The following FOXJ3 variants were observed in gnomAD, a reference collection of about 807,000 sequenced individuals.
FOXJ3 encodes forkhead box protein J3.
Under a neutral mutation model 76.1 loss-of-function variants are expected in FOXJ3, and 22 were observed. The observed-to-expected ratio is 0.29, with a 90% CI of 0.21 to 0.41. FOXJ3 has a LOEUF of 0.41. Ranked by LOEUF, FOXJ3 falls within the 10% of genes least tolerant of loss-of-function variation. The probability of loss-of-function intolerance (pLI) is 1.00; values close to 1 mark genes in which losing one functional copy is unlikely to be tolerated. For synonymous variants in FOXJ3, 269 were observed against 261.2 expected (o/e 1.03, Z -0.29); for missense variants, 613 against 762.1 (o/e 0.80, Z 2.30).
intron 11 of FOXJ3, among the ~76,000 whole-genome samples, chr1:42,182,559 G>A (rs1262505346): frequency 2.0e-5 from 3 of 152,134 alleles, no homozygotes; most frequent in Admixed American, 6.5e-5. Flanking sequence ...ATGCAGTGGC[G>A]CAATCTCGGC....
At chr1:42,273,886 G>A (rs975049151) in intron 3 of FOXJ3, among the ~76,000 whole-genome samples, 13 of 152,072 alleles carry the variant, frequency 8.5e-5, no homozygotes, top group African/African-American at 2.9e-4. Context: ...GGGGTAGACT[G>A]GAAGATCTGC....
At chr1:42,242,913 A>C (rs1169845109) in intron 4 of FOXJ3, among the ~76,000 whole-genome samples, 1 of 151,790 alleles carries the variant, frequency 6.6e-6, no homozygotes, top group Admixed American at 6.6e-5. Context: ...AAACTGGCAA[A>C]AGTCAAACAC....
intron 6 of FOXJ3, among the ~76,000 whole-genome samples, chr1:42,204,132 T>C (rs1646815988): frequency 6.6e-6 from 1 of 152,144 alleles, no homozygotes; most frequent in African/African-American, 2.4e-5. Flanking sequence ...CTGCTCTCTG[T>C]GTAGCCCCTA....
intron 2 of FOXJ3, among the ~76,000 whole-genome samples, chr1:42,295,005 TTC>T (rs1349242845): frequency 6.6e-6 from 1 of 152,190 alleles, no homozygotes; most frequent in Non-Finnish European, 1.5e-5. Context: ...ATTCCATAAA[TTC>T]TTTTTATTTT....
intron 4 of FOXJ3, among the ~76,000 whole-genome samples, chr1:42,254,046 A>T (rs1266518865): frequency 6.6e-6 from 1 of 151,852 alleles, no homozygotes; most frequent in Non-Finnish European, 1.5e-5. Flanking sequence ...ATGGGAGAAA[A>T]TTTTCACAAC....
intron 4 of FOXJ3, among the ~76,000 whole-genome samples, chr1:42,248,683 C>G (rs966137085): frequency 6.8e-6 from 1 of 148,038 alleles, no homozygotes; most frequent in African/African-American, 2.5e-5. Context: ...TTTCACAAAG[C>G]AAAGCCAGTG....
At chr1:42,286,506 A>G (rs1457480254) in intron 2 of FOXJ3, among the ~76,000 whole-genome samples, 1 of 152,182 alleles carries the variant, frequency 6.6e-6, no homozygotes, top group Non-Finnish European at 1.5e-5. Context: ...ACCCACCCCA[A>G]AGGACTGTTG....
At chr1:42,311,010 G>C in intron 2 of FOXJ3, 40 bp downstream of exon 2, 1 of 1,278,640 alleles carries the variant, frequency 7.8e-7, no homozygotes, top group Non-Finnish European at 1.1e-6. Context: ...CTTTTAAAAT[G>C]TTATATGTTC....
chr1:42,285,250 T>A (rs1652977521), intron 2 of FOXJ3, among the ~76,000 whole-genome samples: 1 of 152,118 alleles, frequency 6.6e-6, no homozygotes, highest in African/African-American at 2.4e-5. Flanking sequence ...TAGCTATTCT[T>A]CCTGATGCCC....
At chr1:42,319,290 ATG>A (rs1251330420) in intron 1 of FOXJ3, among the ~76,000 whole-genome samples, 2 of 152,212 alleles carry the variant, frequency 1.3e-5, no homozygotes, top group Non-Finnish European at 2.9e-5. Context: ...TGATGAATGG[ATG>A]TGTTATATCC....
rs564272428 is a variant in FOXJ3 at position 42,310,953 on chromosome 1, C to T, written c.44+97G>A. On this transcript the variant is annotated intron_variant, in intron 2 of 12. Coordinates refer to ENST00000361346, the MANE Select transcript of FOXJ3 (RefSeq NM_014947.5). Reference sequence around the variant, plus strand: ...ACAAAACAAGCTACAATATTTTATTCTGAATCTCACCTTCAAATTCATTGT... The same window carrying T: ...ACAAAACAAGCTACAATATTTTATTTTGAATCTCACCTTCAAATTCATTGT... 8 of 711,996 alleles carry T rather than the reference C, an allele frequency of 1.1e-5. No individual in the cohort carries two copies. In the South Asian group the frequency reaches 1.5e-4, roughly 14 times the overall value. The allele number at this position is 711,996 out of a possible 1,614,324, so 44.1% of individuals were successfully genotyped here.
intron 4 of FOXJ3, among the ~76,000 whole-genome samples, chr1:42,253,453 G>GA (rs1650280339): frequency 6.6e-6 from 1 of 151,152 alleles, no homozygotes; most frequent in African/African-American, 2.4e-5. Flanking sequence ...CACAGAATTG[G>GA]AAAAAACTAC....
At chr1:42,246,752 G>A (rs944524624) in intron 4 of FOXJ3, among the ~76,000 whole-genome samples, 1 of 152,028 alleles carries the variant, frequency 6.6e-6, no homozygotes, top group African/African-American at 2.4e-5. Flanking sequence ...CATGTTTACT[G>A]CAACATTATT....
At chr1:42,282,341 C>T (rs762842360) in intron 2 of FOXJ3, among the ~76,000 whole-genome samples, 1 of 152,170 alleles carries the variant, frequency 6.6e-6, no homozygotes, top group Non-Finnish European at 1.5e-5. Flanking sequence ...AACCTATCAA[C>T]ACTGCTTTCA....
At position 42,265,197 on chromosome 1, in the gene FOXJ3, T is replaced by G; in HGVS notation, c.370-8A>C. ...ATTATGTCGTATGGAATTCTGGAAT[T>G]AAAGAAGAAAAGCCATAAGGTCAAT... On this transcript the variant is annotated splice_polypyrimidine_tract_variant and splice_region_variant and intron_variant, in intron 3 of 12. Coordinates refer to ENST00000361346, the MANE Select transcript of FOXJ3 (RefSeq NM_014947.5). 1 of 1,529,022 alleles carries G rather than the reference T, an allele frequency of 6.5e-7. No homozygotes were observed. The highest frequency in any genetic ancestry group is 8.9e-7 in the Non-Finnish European group (1 of 1,121,932). The allele number at this position is 1,529,022 out of a possible 1,614,324, so 94.7% of individuals were successfully genotyped here. A position where few individuals can be genotyped will look rare whatever the true frequency, so the allele number is the denominator to read the frequency against.
At chr1:42,234,250 C>T (rs1414557823) in intron 4 of FOXJ3, among the ~76,000 whole-genome samples, 1 of 152,200 alleles carries the variant, frequency 6.6e-6, no homozygotes, top group Non-Finnish European at 1.5e-5. Flanking sequence ...TCAGCTCCAT[C>T]AGGTCTTTTA....
intron 4 of FOXJ3, among the ~76,000 whole-genome samples, chr1:42,236,875 G>T (rs952268699): frequency 1.3e-5 from 2 of 152,158 alleles, no homozygotes; most frequent in African/African-American, 2.4e-5. Context: ...GTGCCTCAGT[G>T]ATTTGCAAGT....
intron 5 of FOXJ3, 130 bp downstream of exon 5, chr1:42,227,753 G>C: frequency 2.2e-6 from 1 of 455,732 alleles, no homozygotes; most frequent in Non-Finnish European, 3.9e-6. Flanking sequence ...TCTGAAAAAT[G>C]TAAAATGCTA....
At position 42,332,925 on chromosome 1, in the gene FOXJ3, T is replaced by A. The variant is rs541184757; in HGVS notation, c.-18+2134A>T. On this transcript the variant is annotated intron_variant, in intron 1 of 12. Coordinates refer to ENST00000361346, the MANE Select transcript of FOXJ3 (RefSeq NM_014947.5). ...GGAGAAGTTTGATGCAGTTTGATAA[T>A]TCTGAATGATGTACATGTTTCCCGA... Among the ~76,000 whole-genome samples, 4 of 152,360 alleles carry A rather than the reference T, an allele frequency of 2.6e-5. No individual in the cohort carries two copies. In the South Asian group the frequency reaches 8.3e-4, roughly 32 times the overall value.
Sources: gnomAD v4.1 joint callset for allele counts (sites outside exome capture counted in the v4.1 genomes callset) on GRCh38, gnomAD v4.1.1 for gene constraint, MANE v1.5 for transcripts, NCBI Gene and HGNC (gene_info 2026-07-23, HGNC 2026-07-21) for gene names.